MICU1: variants seen among roughly 807,000 people sequenced by gnomAD.
MICU1 encodes the protein mitochondrial calcium uptake 1.
Under a neutral mutation model 56.8 loss-of-function variants are expected in MICU1, and 45 were observed. The ratio of observed to expected loss-of-function variants is 0.79; its 90% CI spans 0.62 to 1.02. The LOEUF is 1.02. Ranked by LOEUF, MICU1 falls within the 50% of genes least tolerant of loss-of-function variation. MICU1 has a pLI of 0.00. For missense variants in MICU1, 504 were observed against 587.1 expected, an observed-to-expected ratio of 0.86 and a Z score of 1.46; for synonymous variants, 186 against 195.1, an observed-to-expected ratio of 0.95 and a Z score of 0.39.
chr10:72,376,569 G>C (rs1862529519), intron 10 of MICU1, among the ~76,000 whole-genome samples: 1 of 152,216 alleles, frequency 6.6e-6, no homozygotes, highest in Admixed American at 6.5e-5. Flanking sequence ...CCAGGAGGCA[G>C]AGGTTTCAAT....
At chr10:72,609,213 A>G (rs1290269992) in intron 1 of MICU1, among the ~76,000 whole-genome samples, 2 of 152,214 alleles carry the variant, frequency 1.3e-5, no homozygotes, top group African/African-American at 4.8e-5. Flanking sequence ...AGAGCTTGGA[A>G]GAGGGAAAAT....
intron 1 of MICU1, among the ~76,000 whole-genome samples, chr10:72,602,874 G>A (rs928704244): frequency 7.9e-5 from 12 of 152,152 alleles, no homozygotes; most frequent in South Asian, 4.1e-4. Flanking sequence ...TCGGGAGGCC[G>A]AGGCAGGCGG....
chr10:72,475,817 G>A (rs904635641), intron 7 of MICU1: 12 of 456,242 alleles, frequency 2.6e-5, no homozygotes, highest in African/African-American at 2.4e-4. Flanking sequence ...AAGGTCAAGT[G>A]GCTGGTAAGT....
chr10:72,461,104 T>C (rs1865626624), intron 8 of MICU1, among the ~76,000 whole-genome samples: 1 of 152,168 alleles, frequency 6.6e-6, no homozygotes, highest in Non-Finnish European at 1.5e-5. Context: ...TTCTCTTGTC[T>C]TGTCTTGCTC....
chr10:72,471,220 G>T (rs2132259275), intron 8 of MICU1, among the ~76,000 whole-genome samples: 1 of 152,300 alleles, frequency 6.6e-6, no homozygotes, highest in South Asian at 2.1e-4. Context: ...AAGTAGCTGG[G>T]ACTACAGGCA....
At chr10:72,615,177 G>A (rs925620666) in intron 1 of MICU1, among the ~76,000 whole-genome samples, 1 of 152,166 alleles carries the variant, frequency 6.6e-6, no homozygotes, top group Admixed American at 6.5e-5. Flanking sequence ...GAGTGCAGTG[G>A]CATGATCTTG....
chr10:72,395,797 C>T (rs113032053), intron 10 of MICU1, among the ~76,000 whole-genome samples: 1,863 of 152,328 alleles, frequency 0.012, 37 homozygotes, highest in African/African-American at 0.042. Flanking sequence ...CTGGGTGGAG[C>T]CCACCACAGC....
intron 5 of MICU1, among the ~76,000 whole-genome samples, chr10:72,514,166 T>C (rs952857768): frequency 6.6e-6 from 1 of 152,186 alleles, no homozygotes; most frequent in Admixed American, 6.6e-5. Context: ...TCTTGTACTT[T>C]TCAGTTCCAG....
At chr10:72,386,558 T>A (rs1212002092) in intron 10 of MICU1, among the ~76,000 whole-genome samples, 1 of 23,954 alleles carries the variant, frequency 4.2e-5, no homozygotes. Flanking sequence ...CCGCCACCTA[T>A]TTTTTTTTTT....
chr10:72,468,961 G>A (rs1486385769), intron 8 of MICU1, among the ~76,000 whole-genome samples: 1 of 152,230 alleles, frequency 6.6e-6, no homozygotes, highest in Non-Finnish European at 1.5e-5. Flanking sequence ...AAATAGTTCA[G>A]TCTGAAAGAC....
chr10:72,412,265 G>A (rs534279951), intron 9 of MICU1, among the ~76,000 whole-genome samples: 1 of 152,302 alleles, frequency 6.6e-6, no homozygotes, highest in East Asian at 1.9e-4. Context: ...GAGTTGTTTG[G>A]ACAAGAAGGC....
At chr10:72,605,611 C>T (rs1437056904) in intron 1 of MICU1, among the ~76,000 whole-genome samples, 11 of 152,144 alleles carry the variant, frequency 7.2e-5, no homozygotes, top group Non-Finnish European at 4.4e-5. Flanking sequence ...TAATAGAATG[C>T]TGCTGATGGT....
chr10:72,532,924 G>A, intron 5 of MICU1: 3 of 1,197,922 alleles, frequency 2.5e-6, no homozygotes, highest in Admixed American at 3.4e-5. Flanking sequence ...GCAGGAATTG[G>A]CACATTTCTG....
At chr10:72,537,243 T>C (rs1474832313) in intron 4 of MICU1, among the ~76,000 whole-genome samples, 2 of 152,172 alleles carry the variant, frequency 1.3e-5, no homozygotes, top group African/African-American at 4.8e-5. Flanking sequence ...GATGGTTGGA[T>C]TAGATCAGTT....
intron 7 of MICU1, among the ~76,000 whole-genome samples, chr10:72,475,502 C>T (rs1280837264): frequency 6.6e-6 from 1 of 151,400 alleles, no homozygotes; most frequent in Non-Finnish European, 1.5e-5. Context: ...AAAATCAGCT[C>T]ACTGCAACCT....
At chr10:72,616,708 T>C (rs1362511728) in intron 1 of MICU1, among the ~76,000 whole-genome samples, 1 of 152,050 alleles carries the variant, frequency 6.6e-6, no homozygotes, top group Admixed American at 6.5e-5. Flanking sequence ...TTATCTGATC[T>C]TTTCAAGTGA....
intron 6 of MICU1, among the ~76,000 whole-genome samples, chr10:72,479,838 T>C (rs769896603): frequency 6.6e-6 from 1 of 152,192 alleles, no homozygotes; most frequent in Non-Finnish European, 1.5e-5. Flanking sequence ...GTTTGTCATG[T>C]TTTTTAAACT....
chr10:72,547,989 A>G (rs1839938194), intron 4 of MICU1, among the ~76,000 whole-genome samples: 2 of 152,252 alleles, frequency 1.3e-5, no homozygotes, highest in Admixed American at 6.5e-5. Flanking sequence ...ATCCAAGACA[A>G]TGGAGAAGAG....
chr10:72,596,847 T>C (rs1477781211), intron 1 of MICU1, among the ~76,000 whole-genome samples: 1 of 146,894 alleles, frequency 6.8e-6, no homozygotes, highest in East Asian at 2.0e-4. Context: ...CACTCCAGCC[T>C]GGGTGACAGA....
Sources: allele counts gnomAD v4.1 joint callset (sites outside exome capture counted in the v4.1 genomes callset), GRCh38; gene constraint gnomAD v4.1.1; transcripts MANE v1.5; gene names NCBI Gene and HGNC (gene_info 2026-07-23, HGNC 2026-07-21).